The following MYO9B variants were observed in gnomAD, a reference collection of about 807,000 sequenced individuals.
MYO9B encodes the protein myosin IXB.
A neutral mutation model predicts 229.5 loss-of-function variants in MYO9B; 71 were observed. The ratio of observed to expected loss-of-function variants is 0.31; its 90% CI spans 0.26 to 0.38. The LOEUF is 0.38. Among genes scored for constraint, MYO9B ranks in the 10% least tolerant of loss-of-function variants. The pLI, the probability that MYO9B is intolerant of heterozygous loss-of-function variation, is 1.00. For synonymous variants in MYO9B, 1,185 were observed against 1,235.8 expected, an observed-to-expected ratio of 0.96 and a Z score of 0.86; for missense variants, 2,255 against 2,920.5, an observed-to-expected ratio of 0.77 and a Z score of 5.25.
intron 2 of MYO9B, among the ~76,000 whole-genome samples, chr19:17,130,979 C>G (rs2072189104): frequency 6.6e-6 from 1 of 152,080 alleles, no homozygotes; most frequent in African/African-American, 2.4e-5. Flanking sequence ...AGCTGATCAC[C>G]CTTGATGTCT....
intron 13 of MYO9B, 118 bp from the exon 14 acceptor site, chr19:17,175,545 C>A: frequency 1.3e-6 from 1 of 760,694 alleles, no homozygotes; most frequent in Non-Finnish European, 2.0e-6. Context: ...CGCCACTGTG[C>A]TCCAGCCTGG....
At chr19:17,136,396 C>T (rs1200679608) in intron 2 of MYO9B, among the ~76,000 whole-genome samples, 1 of 152,092 alleles carries the variant, frequency 6.6e-6, no homozygotes. Flanking sequence ...CTCTGGAGAG[C>T]TGGAAATGAA....
At chr19:17,123,742 A>G (rs1445273846) in intron 2 of MYO9B, among the ~76,000 whole-genome samples, 1 of 152,028 alleles carries the variant, frequency 6.6e-6, no homozygotes, top group Non-Finnish European at 1.5e-5. Context: ...ACAAGGAGAA[A>G]CACACACACA....
chr19:17,155,214 G>A (rs897063003), intron 6 of MYO9B, among the ~76,000 whole-genome samples: 4 of 151,648 alleles, frequency 2.6e-5, no homozygotes, highest in Non-Finnish European at 2.9e-5. Flanking sequence ...TTTAGATGGG[G>A]TCTCGCTCTT....
Position 17,194,478 on chromosome 19 carries a change from G to C in MYO9B, c.3129-78G>C, listed in dbSNP as rs1293203132. ...AGCCCCGTCTGCAGCCCGCAGGCTG[G>C]GGGTCCCATCGGAACTCAGTGGGAG... On this transcript the variant is annotated intron_variant, in intron 21 of 39. Transcript: ENST00000682292. The C allele has an allele frequency of 3.7e-5, 56 of 1,503,808 alleles. No homozygotes were observed. The South Asian group carries it at 6.4e-4, about 17-fold the overall frequency. 93.2% of individuals were successfully genotyped at this position (1,503,808 alleles called of 1,614,324 possible). A position where few individuals can be genotyped will look rare whatever the true frequency, so the allele number is the denominator to read the frequency against.
intron 2 of MYO9B, among the ~76,000 whole-genome samples, chr19:17,138,642 G>C (rs1044247470): frequency 1.3e-5 from 2 of 152,140 alleles, no homozygotes; most frequent in Admixed American, 6.6e-5. Flanking sequence ...CCACTCAGTG[G>C]TCAGCCAGTG....
chr19:17,174,766 C>G (rs1032212797), intron 13 of MYO9B, among the ~76,000 whole-genome samples: 3 of 151,422 alleles, frequency 2.0e-5, no homozygotes, highest in Non-Finnish European at 4.4e-5. Flanking sequence ...AACCCCGTCT[C>G]TAGTAAAAAT....
intron 2 of MYO9B, among the ~76,000 whole-genome samples, chr19:17,114,245 C>T (rs75478558): frequency 0.074 from 11,213 of 152,228 alleles, 450 homozygotes; most frequent in South Asian, 0.11. Context: ...TTCTTGGTAA[C>T]ATTGTGCCAT....
intron 36 of MYO9B, among the ~76,000 whole-genome samples, 173 bp from the exon 37 acceptor site, chr19:17,210,160 C>T (rs1159344428): frequency 6.6e-6 from 1 of 152,144 alleles, no homozygotes; most frequent in Non-Finnish European, 1.5e-5. Flanking sequence ...GAAATGTTCC[C>T]ATAGCAGAAG....
At chr19:17,090,633 G>A (rs563137396) in intron 1 of MYO9B, among the ~76,000 whole-genome samples, 4 of 152,196 alleles carry the variant, frequency 2.6e-5, no homozygotes, top group Admixed American at 1.3e-4. Context: ...GGCCTTGGTC[G>A]TACTGATGCT....
chr19:17,171,356 C>A (rs1053143098), intron 11 of MYO9B, among the ~76,000 whole-genome samples: 1 of 152,124 alleles, frequency 6.6e-6, no homozygotes, highest in African/African-American at 2.4e-5. Context: ...CGGAGCACAA[C>A]AGAGCCCTGC....
Position 17,172,885 on chromosome 19 carries a change from C to A in MYO9B, c.2062C>A (p.Leu688Ile). ...CGTGGCCGTGTTCCGCTGGGCCGTGCTCCGGGCTGCTATCCGGGCCATGGC... is the reference window on the plus strand; with the variant it reads ...CGTGGCCGTGTTCCGCTGGGCCGTGATCCGGGCTGCTATCCGGGCCATGGC... ...DPVAVFRWAVLRAAIRAMAVL... is the reference protein window; with the variant it reads ...DPVAVFRWAVIRAAIRAMAVL... Residue 688 changes from leucine (L) to isoleucine (I), a missense_variant, in exon 13 of 40, where the codon CTC becomes ATC. Leu to Ile is a conservative substitution (Grantham distance 5, BLOSUM62 2). This residue lies in a region of MYO9B where 155 missense variants were observed against 159.1 expected (regional missense o/e 0.97). Coordinates refer to ENST00000682292, the MANE Select transcript of MYO9B (RefSeq NM_004145.4). The surrounding 1 kb of genome is among the most constrained non-coding windows in gnomAD (Gnocchi z 8.2). 1 of 1,604,286 alleles carries A rather than the reference C, an allele frequency of 6.2e-7. No individual in the cohort carries two copies. Among genetic ancestry groups the A allele is most frequent in the South Asian group, 1.1e-5 (1 of 91,068 alleles).
At chr19:17,094,015 TTTGTTGTTGTTGTTG>T (rs141113380) in intron 1 of MYO9B, among the ~76,000 whole-genome samples, 54,478 of 148,542 alleles carry the variant, frequency 0.37, 10,753 homozygotes, top group African/African-American at 0.5. Flanking sequence ...TGCAGCTGGC[TTTGTTGTTGTTGTTG>T]TTGTTGTTGT....
intron 3 of MYO9B, among the ~76,000 whole-genome samples, chr19:17,152,289 C>T (rs2072486779): frequency 1.3e-5 from 2 of 152,052 alleles, no homozygotes; most frequent in Non-Finnish European, 2.9e-5. Flanking sequence ...GATGGTGGCT[C>T]ATGCCTGTAA....
chr19:17,098,650 C>T (rs73519647), intron 1 of MYO9B, among the ~76,000 whole-genome samples: 3,587 of 152,186 alleles, frequency 0.024, 160 homozygotes, highest in African/African-American at 0.083. Flanking sequence ...TAAACTTGGC[C>T]GGGCACAGTC....
chr19:17,109,161 G>A (rs1048066079), intron 2 of MYO9B, among the ~76,000 whole-genome samples: 1 of 151,472 alleles, frequency 6.6e-6, no homozygotes, highest in African/African-American at 2.4e-5. Context: ...TGCCTCCCGG[G>A]TTCGTGCCAT....
chr19:17,131,251 C>G (rs2072191981), intron 2 of MYO9B, among the ~76,000 whole-genome samples: 1 of 152,202 alleles, frequency 6.6e-6, no homozygotes, highest in African/African-American at 2.4e-5. Flanking sequence ...GCATCCTGCC[C>G]ATGTGTTAAT....
chr19:17,087,871 A>AGTGAGCCGAGATCGCG lies in MYO9B; in HGVS notation c.-59+11998_-59+12013dup, dbSNP rs1344886120. On this transcript the variant is annotated intron_variant, in intron 1 of 39. Coordinates refer to ENST00000682292, the MANE Select transcript of MYO9B (RefSeq NM_004145.4). ...CTTGTACCTGGGAGGCGGAGGTTGC[A>AGTGAGCCGAGATCGCG]GTGAGCCGAGATCGCGCCATTGCAC... Among the ~76,000 whole-genome samples the AGTGAGCCGAGATCGCG allele has an allele frequency of 7.7e-4, 116 of 150,368 alleles. 3 individuals are homozygous for AGTGAGCCGAGATCGCG. Among genetic ancestry groups the AGTGAGCCGAGATCGCG allele is most frequent in the Non-Finnish European group, 2.5e-4 (17 of 67,718 alleles).
intron 11 of MYO9B, among the ~76,000 whole-genome samples, chr19:17,169,743 C>T (rs1032922541): frequency 9.3e-5 from 14 of 150,144 alleles, no homozygotes; most frequent in Non-Finnish European, 1.2e-4. Flanking sequence ...CTCCCTCTTC[C>T]TCTTCACATG....
Sources: gnomAD v4.1 joint callset for allele counts (sites outside exome capture counted in the v4.1 genomes callset) on GRCh38, gnomAD v4.1.1 for gene constraint, gnomAD v4.1.1 regional missense constraint, Gnocchi (gnomAD v3.1) non-coding constraint, MANE v1.5 for transcripts, NCBI Gene and HGNC (gene_info 2026-07-23, HGNC 2026-07-21) for gene names.